MTUS1: variants seen among roughly 807,000 people sequenced by gnomAD.
MTUS1 encodes microtubule associated scaffold protein 1, also known as microtubule-associated tumor suppressor 1.
In MTUS1, 109 loss-of-function variants were observed where a neutral mutation model predicts 120.8. That is an observed-to-expected ratio of 0.90 (90% CI 0.77 to 1.06). The LOEUF (loss-of-function observed/expected upper bound fraction) is 1.06. Among genes scored for constraint, MTUS1 ranks in the 50% least tolerant of loss-of-function variants. The pLI is 0.00. For missense variants in MTUS1, 2,210 were observed against 1,486.3 expected (o/e 1.49, Z -8.01); for synonymous variants, 737 against 550.5 (o/e 1.34, Z -4.74).
chr8:17,769,881 TACACACACACACACACACACAC>T (rs56287929), intron 1 of MTUS1, among the ~76,000 whole-genome samples: 47 of 99,536 alleles, frequency 4.7e-4, no homozygotes, highest in Non-Finnish European at 6.7e-4. Flanking sequence ...ACTCTTTGCT[TACACACACACACACACACACAC>T]ACACACACAC....
At chr8:17,797,687 C>T (rs1378525822) in intron 1 of MTUS1, among the ~76,000 whole-genome samples, 1 of 151,946 alleles carries the variant, frequency 6.6e-6, no homozygotes, top group Middle Eastern at 3.4e-3. Flanking sequence ...CTGCCTTCTT[C>T]CAGAGAAAGT....
At chr8:17,733,453 ATTTTTAAGTTAAAAG>A (rs1396141051) in intron 3 of MTUS1, among the ~76,000 whole-genome samples, 1 of 152,132 alleles carries the variant, frequency 6.6e-6, no homozygotes, top group Non-Finnish European at 1.5e-5. Context: ...ATAGTCATAA[ATTTTTAAGTTAAAAG>A]CTATTTGGTG....
At chr8:17,731,474 G>A (rs369235318) in intron 3 of MTUS1, among the ~76,000 whole-genome samples, 42 of 152,136 alleles carry the variant, frequency 2.8e-4, no homozygotes, top group African/African-American at 6.7e-4. Context: ...AGCTGTCAGC[G>A]CTCGCCATCC....
At chr8:17,729,999 A>AAAAAAAAAAAAAAAAAAT (rs1343553499) in intron 3 of MTUS1, among the ~76,000 whole-genome samples, 1 of 151,764 alleles carries the variant, frequency 6.6e-6, no homozygotes. Flanking sequence ...AAAAAAAAAA[A>AAAAAAAAAAAAAAAAAAT]AAAAGCAAAA....
At position 17,721,770 on chromosome 8, in the gene MTUS1, G is replaced by T. The variant is rs148782448; in HGVS notation, c.2449+1902C>A. On this transcript the variant is annotated intron_variant, in intron 4 of 14. Transcript: ENST00000693296. The stretch of plus-strand genomic sequence containing the variant: ...TTATACAAAGGCTGTACGATCCCAC[G>T]ACCAGCAGTGTCAATAAGGTAGCAT... 6.2e-7 allele frequency: 1 copy of T among 1,614,024 alleles called. No individual in the cohort carries two copies. The highest frequency in any genetic ancestry group is 8.5e-7 in the Non-Finnish European group (1 of 1,179,970).
At chr8:17,676,835 G>A (rs766126444) in intron 7 of MTUS1, among the ~76,000 whole-genome samples, 1 of 152,190 alleles carries the variant, frequency 6.6e-6, no homozygotes, top group Non-Finnish European at 1.5e-5. Flanking sequence ...AAGGAAAGGG[G>A]CATGCTGTCG....
intron 1 of MTUS1, among the ~76,000 whole-genome samples, chr8:17,759,816 G>T (rs959077887): frequency 6.6e-6 from 1 of 151,610 alleles, no homozygotes; most frequent in African/African-American, 2.4e-5. Context: ...AGATTTACAA[G>T]CTAGTGGTTT....
At chr8:17,769,339 G>C (rs1386614232) in intron 1 of MTUS1, among the ~76,000 whole-genome samples, 1 of 132,904 alleles carries the variant, frequency 7.5e-6, no homozygotes, top group African/African-American at 2.9e-5. Flanking sequence ...TGAAGGCTTA[G>C]TCAGTAATTT....
At chr8:17,790,141 A>C (rs142221954) in intron 1 of MTUS1, among the ~76,000 whole-genome samples, 3,055 of 152,028 alleles carry the variant, frequency 0.02, 114 homozygotes, top group African/African-American at 0.07. Flanking sequence ...AAGATCAGGA[A>C]ATCAAGACCA....
intron 8 of MTUS1, chr8:17,674,902 C>G: frequency 1.6e-6 from 2 of 1,224,790 alleles, no homozygotes; most frequent in African/African-American, 1.5e-5. Flanking sequence ...GGAATTCACA[C>G]AATTACAAAA....
intron 7 of MTUS1, among the ~76,000 whole-genome samples, chr8:17,677,675 C>T (rs1172281673): frequency 6.6e-6 from 1 of 152,142 alleles, no homozygotes; most frequent in Non-Finnish European, 1.5e-5. Flanking sequence ...CGTTCCTGTC[C>T]TTAATGCCTC....
intron 6 of MTUS1, chr8:17,708,941 T>C (rs980417326): frequency 6.6e-6 from 1 of 152,046 alleles, no homozygotes; most frequent in Non-Finnish European, 1.5e-5. Flanking sequence ...ATCGAGACCA[T>C]CCTGGCTAAC....
chr8:17,654,510 G>C, intron 10 of MTUS1, 51 bp downstream of exon 10: 1 of 1,189,030 alleles, frequency 8.4e-7, no homozygotes, highest in East Asian at 2.3e-5. Flanking sequence ...AAAACATCAT[G>C]TGGTTCCTTC....
intron 9 of MTUS1, 136 bp downstream of exon 9, chr8:17,655,727 T>C: frequency 1.3e-6 from 1 of 776,434 alleles, no homozygotes; most frequent in Non-Finnish European, 2.1e-6. Flanking sequence ...TGGGACTCTG[T>C]CTTAAATAAA....
At chr8:17,675,660 T>C (rs910982734) in intron 7 of MTUS1, among the ~76,000 whole-genome samples, 3 of 152,232 alleles carry the variant, frequency 2.0e-5, no homozygotes, top group African/African-American at 7.2e-5. Context: ...TAAGCACATA[T>C]ATGCACTTTG....
intron 8 of MTUS1, among the ~76,000 whole-genome samples, chr8:17,674,115 G>C (rs1812575641): frequency 1.3e-5 from 2 of 152,136 alleles, no homozygotes; most frequent in Admixed American, 6.5e-5. Flanking sequence ...AAAGCGGTCA[G>C]ATCACTCCAA....
At chr8:17,713,814 C>G (rs1027788102) in intron 5 of MTUS1, among the ~76,000 whole-genome samples, 5 of 152,162 alleles carry the variant, frequency 3.3e-5, no homozygotes, top group African/African-American at 1.2e-4. Flanking sequence ...AGGACATAAT[C>G]ATCTGCAGAT....
At chr8:17,792,765 A>G (rs7824917) in intron 1 of MTUS1, among the ~76,000 whole-genome samples, 6,877 of 152,242 alleles carry the variant, frequency 0.045, 534 homozygotes, top group African/African-American at 0.16. Context: ...TCAGAAGGCT[A>G]TGGCATGAGA....
At chr8:17,672,266 T>C (rs1343314324) in intron 8 of MTUS1, among the ~76,000 whole-genome samples, 1 of 152,240 alleles carries the variant, frequency 6.6e-6, no homozygotes, top group African/African-American at 2.4e-5. Flanking sequence ...TATTATTTAA[T>C]AGCAGTTAAC....
Sources: allele counts gnomAD v4.1 joint callset (sites outside exome capture counted in the v4.1 genomes callset), GRCh38; gene constraint gnomAD v4.1.1; transcripts MANE v1.5; gene names NCBI Gene and HGNC (gene_info 2026-07-23, HGNC 2026-07-21).